Variants in DCC observed in about 807,000 individuals in gnomAD.
DCC encodes the protein netrin receptor DCC.
A neutral mutation model predicts 172.5 loss-of-function variants in DCC; 58 were observed. The ratio of observed to expected loss-of-function variants is 0.34; its 90% CI spans 0.27 to 0.42. DCC has a LOEUF of 0.42. DCC is among the 10% of genes least tolerant of loss of function. The pLI is 1.00. For synonymous variants in DCC, 709 were observed against 644.5 expected (o/e 1.10, Z -1.52); for missense variants, 1,740 against 1,791.0 (o/e 0.97, Z 0.51).
chr18:53,148,188 G>A (rs1196370288), intron 7 of DCC, among the ~76,000 whole-genome samples: 1 of 152,174 alleles, frequency 6.6e-6, no homozygotes, highest in Non-Finnish European at 1.5e-5. Flanking sequence ...CTTAAAGCCT[G>A]ACATACTGAT....
intron 7 of DCC, among the ~76,000 whole-genome samples, chr18:53,148,243 G>A (rs985645984): frequency 4.6e-5 from 7 of 152,146 alleles, no homozygotes; most frequent in Non-Finnish European, 1.0e-4. Flanking sequence ...TTCACCGGCA[G>A]AGGACAGGAT....
At chr18:52,510,290 C>T (rs940953534) in intron 1 of DCC, among the ~76,000 whole-genome samples, 2 of 152,136 alleles carry the variant, frequency 1.3e-5, no homozygotes, top group Non-Finnish European at 2.9e-5. Flanking sequence ...CATTGGCTAG[C>T]ACTCTCCCAG....
chr18:52,884,720 TA>T (rs1034442502), intron 2 of DCC, among the ~76,000 whole-genome samples: 4 of 152,196 alleles, frequency 2.6e-5, no homozygotes, highest in Admixed American at 6.5e-5. Flanking sequence ...GTTCATTTGG[TA>T]AAGTCATGTT....
chr18:53,265,050 C>T (rs563501309), intron 12 of DCC, among the ~76,000 whole-genome samples: 1 of 152,292 alleles, frequency 6.6e-6, no homozygotes, highest in South Asian at 2.1e-4. Context: ...GTGAAAGCAA[C>T]CGTACACTTT....
At chr18:52,509,839 C>T (rs1598875545) in intron 1 of DCC, among the ~76,000 whole-genome samples, 1 of 152,172 alleles carries the variant, frequency 6.6e-6, no homozygotes, top group South Asian at 2.1e-4. Context: ...CACGGTGGCT[C>T]ACGTCTGTAA....
intron 1 of DCC, among the ~76,000 whole-genome samples, chr18:52,460,776 CT>C (rs1988605903): frequency 6.6e-6 from 1 of 151,866 alleles, no homozygotes; most frequent in Non-Finnish European, 1.5e-5. Context: ...AATAAAAATT[CT>C]GTATAAAAGA....
intron 1 of DCC, among the ~76,000 whole-genome samples, chr18:52,530,784 C>T (rs1144067): frequency 0.24 from 36,413 of 151,850 alleles, 4,522 homozygotes; most frequent in African/African-American, 0.3. Context: ...CCTAAGACAC[C>T]CAGAGAGAGA....
chr18:52,609,355 C>T (rs1485923996), intron 1 of DCC, among the ~76,000 whole-genome samples: 2 of 151,810 alleles, frequency 1.3e-5, no homozygotes, highest in African/African-American at 4.8e-5. Flanking sequence ...GGTGTTAGGA[C>T]TGAGACAGAC....
At chr18:53,306,028 AC>A (rs1304608201) in intron 13 of DCC, among the ~76,000 whole-genome samples, 1 of 152,176 alleles carries the variant, frequency 6.6e-6, no homozygotes, top group Non-Finnish European at 1.5e-5. Context: ...TTAACCAGTA[AC>A]TTTTAAAAGT....
chr18:52,522,437 A>G (rs1313866475), intron 1 of DCC, among the ~76,000 whole-genome samples: 1 of 152,200 alleles, frequency 6.6e-6, no homozygotes, highest in African/African-American at 2.4e-5. Context: ...CCCCTGATCC[A>G]GAACTAACAA....
chr18:52,728,756 G>A (rs371636327), intron 1 of DCC, among the ~76,000 whole-genome samples: 22 of 152,290 alleles, frequency 1.4e-4, no homozygotes, highest in East Asian at 1.2e-3. Flanking sequence ...CCAAATGAGG[G>A]CCTACGGATG....
intron 11 of DCC, among the ~76,000 whole-genome samples, chr18:53,215,161 G>C (rs980388778): frequency 6.6e-6 from 1 of 152,100 alleles, no homozygotes; most frequent in African/African-American, 2.4e-5. Context: ...AAATTATGCA[G>C]ATTCTGAAAT....
At chr18:52,732,429 CAACT>C (rs2036657368) in intron 1 of DCC, among the ~76,000 whole-genome samples, 2 of 152,030 alleles carry the variant, frequency 1.3e-5, no homozygotes, top group African/African-American at 4.8e-5. Context: ...AAGATATTCA[CAACT>C]ATTATTACGT....
At chr18:52,813,161 T>C (rs548907583) in intron 2 of DCC, among the ~76,000 whole-genome samples, 1 of 151,630 alleles carries the variant, frequency 6.6e-6, no homozygotes, top group African/African-American at 2.4e-5. Context: ...CTATAAAATA[T>C]CACAATTCCA....
At chr18:53,381,265 G>A (rs138143622) in intron 15 of DCC, among the ~76,000 whole-genome samples, 1 of 151,996 alleles carries the variant, frequency 6.6e-6, no homozygotes, top group African/African-American at 2.4e-5. Context: ...CTGAAAGACT[G>A]AAAGGTAATA....
chr18:52,388,665 G>C (rs759462228), intron 1 of DCC, among the ~76,000 whole-genome samples: 1 of 151,974 alleles, frequency 6.6e-6, no homozygotes, highest in Non-Finnish European at 1.5e-5. Context: ...CAGGTAAACT[G>C]GAGAGAGAAG....
At chr18:52,972,124 C>T (rs540025744) in intron 5 of DCC, among the ~76,000 whole-genome samples, 2 of 152,298 alleles carry the variant, frequency 1.3e-5, no homozygotes, top group East Asian at 3.9e-4. Context: ...AACAAATCAC[C>T]TCCACTGGTC....
intron 21 of DCC, among the ~76,000 whole-genome samples, chr18:53,432,199 T>A (rs1044893377): frequency 3.9e-5 from 6 of 152,138 alleles, no homozygotes; most frequent in Non-Finnish European, 7.4e-5. Flanking sequence ...AATAAATGAA[T>A]TAAGTTATTC....
At chr18:53,231,489 C>T (rs2056120484) in intron 12 of DCC, among the ~76,000 whole-genome samples, 1 of 152,060 alleles carries the variant, frequency 6.6e-6, no homozygotes, top group Non-Finnish European at 1.5e-5. Flanking sequence ...CTAGCTTCAC[C>T]TAATGCAAGC....
Sources: gnomAD v4.1 joint callset for allele counts (sites outside exome capture counted in the v4.1 genomes callset) on GRCh38, gnomAD v4.1.1 for gene constraint, MANE v1.5 for transcripts, NCBI Gene and HGNC (gene_info 2026-07-23, HGNC 2026-07-21) for gene names.